Variants in ATR observed in about 807,000 individuals in gnomAD.
The protein encoded by ATR is ATR checkpoint kinase.
Under a neutral mutation model 305.3 loss-of-function variants are expected in ATR, and 142 were observed. The observed-to-expected ratio is 0.47, with a 90% CI of 0.41 to 0.53. The LOEUF (loss-of-function observed/expected upper bound fraction) is 0.53, where lower values mean the gene tolerates loss of function less well. ATR is among the 20% of genes least tolerant of loss of function. The probability of loss-of-function intolerance (pLI) is 0.00; values close to 1 mark genes in which losing one functional copy is unlikely to be tolerated. For missense variants in ATR, 2,135 were observed against 3,133.1 expected (o/e 0.68, Z 7.60); for synonymous variants, 1,050 against 1,068.1 (o/e 0.98, Z 0.33).
intron 8 of ATR, 32 bp downstream of exon 8, chr3:142,558,587 TAAAAC>T (rs767437575): frequency 1.3e-6 from 2 of 1,556,496 alleles, no homozygotes; most frequent in East Asian, 2.3e-5. Context: ...GATAGATAAA[TAAAAC>T]AAACCACACA....
chr3:142,483,997 T>A (rs1364457696), intron 36 of ATR, among the ~76,000 whole-genome samples: 2 of 152,198 alleles, frequency 1.3e-5, no homozygotes, highest in African/African-American at 4.8e-5. Flanking sequence ...TGAATTTTTT[T>A]AAAAATCCAG....
intron 42 of ATR, among the ~76,000 whole-genome samples, chr3:142,459,985 C>G (rs1420442416): frequency 2.0e-5 from 3 of 151,882 alleles, no homozygotes; most frequent in African/African-American, 7.3e-5. Context: ...ATATTTTTTA[C>G]ACTGACACAA....
rs996857447 is a variant in ATR, at chr3:142,449,362, C to A, written c.*67G>T. The A allele has an allele frequency of 1.6e-5, 24 of 1,459,844 alleles. No homozygotes were observed. In the Admixed American group the frequency reaches 3.0e-4, roughly 18 times the overall value. The allele number at this position is 1,459,844 out of a possible 1,614,324, so 90.4% of individuals were successfully genotyped here. On this transcript the variant is annotated 3_prime_UTR_variant, in exon 47 of 47. Transcript: ENST00000350721. ...GTTGTACTTTAGAATTGAACAGATA[C>A]AACCACAGATTCATACCAAATGCAT...
intron 1 of ATR, 40 bp from the exon 2 acceptor site, chr3:142,568,194 T>A (rs1220115791): frequency 1.3e-6 from 2 of 1,537,364 alleles, no homozygotes; most frequent in Admixed American, 3.4e-5. Flanking sequence ...TTAAAGTGAC[T>A]CAGTTTCATT....
chr3:142,553,993 A>C lies in ATR; in HGVS notation c.2364T>G (p.His788Gln). The change falls in exon 11 of 47, where the codon CAT becomes CAG. Residue 788 changes from histidine to glutamine, a missense_variant. Physicochemically the swap from His to Gln is conservative, Grantham distance 24. Around this residue, in one of 9 missense-constraint regions of ATR, gnomAD observed 530 missense variants for 766.8 expected, o/e 0.69. Coordinates refer to ENST00000350721, the MANE Select transcript of ATR (RefSeq NM_001184.4). Reference sequence around the variant, plus strand: ...CTCTAAAATCAAGATGCTTACAAAGATGATGTAGATTATCTATGAAAGCTG... The same window carrying C: ...CTCTAAAATCAAGATGCTTACAAAGCTGATGTAGATTATCTATGAAAGCTG... ...VKLAFIDNLH[H>Q]LCKHLDFRED... 6.2e-7 allele frequency: 1 copy of C among 1,608,846 alleles called. No homozygotes were observed. Among genetic ancestry groups the C allele is most frequent in the East Asian group, 2.2e-5 (1 of 44,700 alleles).
chr3:142,560,972 T>C (rs1427738492), intron 5 of ATR, among the ~76,000 whole-genome samples: 2 of 152,326 alleles, frequency 1.3e-5, no homozygotes, highest in East Asian at 1.9e-4. Flanking sequence ...AAATTGCTAA[T>C]AGATGCACAG....
intron 17 of ATR, 74 bp from the exon 18 acceptor site, chr3:142,541,108 G>A: frequency 1.9e-6 from 3 of 1,541,754 alleles, no homozygotes; most frequent in Non-Finnish European, 2.7e-6. Flanking sequence ...CTAAGGACAA[G>A]TGCTTCCCAC....
At chr3:142,559,532 G>T in intron 6 of ATR, 91 bp from the exon 7 acceptor site, 6 of 1,252,928 alleles carry the variant, frequency 4.8e-6, no homozygotes, top group Non-Finnish European at 3.4e-6. Context: ...AAAAGAAATT[G>T]TGAGTACGAA....
intron 39 of ATR, 99 bp from the exon 40 acceptor site, chr3:142,466,632 G>T: frequency 8.6e-7 from 1 of 1,161,952 alleles, no homozygotes; most frequent in Non-Finnish European, 1.2e-6. Flanking sequence ...AGGTTCAGCA[G>T]TCTGTGGTTT....
intron 2 of ATR, among the ~76,000 whole-genome samples, chr3:142,567,046 C>A (rs2035099427): frequency 6.6e-6 from 1 of 152,148 alleles, no homozygotes; most frequent in African/African-American, 2.4e-5. Context: ...GCCCAGCCAA[C>A]ACTACAGTCT....
At chr3:142,463,987 C>T (rs1299522106) in intron 41 of ATR, among the ~76,000 whole-genome samples, 1 of 152,138 alleles carries the variant, frequency 6.6e-6, no homozygotes, top group Non-Finnish European at 1.5e-5. Flanking sequence ...TCTACAAATA[C>T]CTGGTTACAG....
chr3:142,533,079 G>A (rs954339080), intron 21 of ATR, among the ~76,000 whole-genome samples: 2 of 151,988 alleles, frequency 1.3e-5, no homozygotes, highest in Non-Finnish European at 2.9e-5. Flanking sequence ...CAAGGGGACT[G>A]CATGAGGCCA....
At chr3:142,577,705 C>T (rs1002975419) in intron 1 of ATR, among the ~76,000 whole-genome samples, 124 of 152,226 alleles carry the variant, frequency 8.1e-4, no homozygotes, top group African/African-American at 2.8e-3. Context: ...AGTTTTCAAA[C>T]AGTTTAAGAA....
At chr3:142,475,577 T>C (rs2071417642) in intron 36 of ATR, among the ~76,000 whole-genome samples, 1 of 152,240 alleles carries the variant, frequency 6.6e-6, no homozygotes, top group Non-Finnish European at 1.5e-5. Context: ...TGTGTCTTTA[T>C]AGCAGCATGA....
At chr3:142,476,642 T>A (rs2071461184) in intron 36 of ATR, among the ~76,000 whole-genome samples, 1 of 151,896 alleles carries the variant, frequency 6.6e-6, no homozygotes, top group Admixed American at 6.6e-5. Context: ...AAGTCATTGG[T>A]AGCTTGATGG....
At chr3:142,567,277 C>T (rs77876588) in intron 2 of ATR, among the ~76,000 whole-genome samples, 6,324 of 152,110 alleles carry the variant, frequency 0.042, 432 homozygotes, top group African/African-American at 0.14. Flanking sequence ...TCTGGGAGGA[C>T]ACTGTGAAGG....
chr3:142,537,013 C>G (rs1051383837), intron 19 of ATR, among the ~76,000 whole-genome samples: 1 of 152,066 alleles, frequency 6.6e-6, no homozygotes, highest in African/African-American at 2.4e-5. Context: ...TCTTCATTAA[C>G]TCATGCAATA....
chr3:142,574,207 G>A (rs937149278), intron 1 of ATR, among the ~76,000 whole-genome samples: 6 of 152,166 alleles, frequency 3.9e-5, no homozygotes, highest in Non-Finnish European at 7.4e-5. Flanking sequence ...GCTCATGTCT[G>A]TAATCCCAGC....
intron 46 of ATR, chr3:142,452,424 C>G (rs752264464): frequency 1.2e-4 from 122 of 984,340 alleles, no homozygotes; most frequent in Non-Finnish European, 1.4e-4. Context: ...CCTATAATCC[C>G]TGCATTTTGG....
Sources: allele counts gnomAD v4.1 joint callset (sites outside exome capture counted in the v4.1 genomes callset), GRCh38; gene constraint gnomAD v4.1.1; regional missense constraint gnomAD v4.1.1; transcripts MANE v1.5; gene names NCBI Gene and HGNC (gene_info 2026-07-23, HGNC 2026-07-21).